GRID1: variants seen among roughly 807,000 people sequenced by gnomAD.
GRID1 encodes the protein glutamate ionotropic receptor delta type subunit 1, also known as glutamate receptor ionotropic, delta-1.
In GRID1, 28 loss-of-function variants were observed where a neutral mutation model predicts 98.0. That is an observed-to-expected ratio of 0.29 (90% CI 0.21 to 0.39). The LOEUF is 0.39. GRID1 is among the 10% of genes least tolerant of loss of function. GRID1 has a pLI of 1.00. For synonymous variants in GRID1, 553 were observed against 538.5 expected, an observed-to-expected ratio of 1.03 and a Z score of -0.37; for missense variants, 1,111 against 1,340.5, an observed-to-expected ratio of 0.83 and a Z score of 2.67.
chr10:85,694,082 C>G (rs1056608474), intron 12 of GRID1, among the ~76,000 whole-genome samples: 1 of 151,988 alleles, frequency 6.6e-6, no homozygotes, highest in Non-Finnish European at 1.5e-5. Flanking sequence ...TACTCAACAA[C>G]AAAGCAAAGA....
chr10:85,682,707 A>G (rs948229495), intron 12 of GRID1, among the ~76,000 whole-genome samples: 2 of 152,120 alleles, frequency 1.3e-5, no homozygotes, highest in Admixed American at 1.3e-4. Context: ...GGCCTCAGAC[A>G]CCCTTCTCCA....
intron 4 of GRID1, among the ~76,000 whole-genome samples, chr10:85,980,252 G>T (rs1198737730): frequency 6.6e-6 from 1 of 152,228 alleles, no homozygotes; most frequent in Non-Finnish European, 1.5e-5. Context: ...GCCCCTGTTG[G>T]ATAGTGTCAG....
chr10:86,009,117 A>G (rs139529700), intron 4 of GRID1, among the ~76,000 whole-genome samples: 3 of 152,334 alleles, frequency 2.0e-5, no homozygotes, highest in African/African-American at 7.2e-5. Flanking sequence ...GAATAATCCA[A>G]TTCTGAGGTC....
intron 4 of GRID1, among the ~76,000 whole-genome samples, chr10:85,953,480 T>C (rs1451125976): frequency 2.6e-5 from 4 of 152,312 alleles, no homozygotes; most frequent in Non-Finnish European, 5.9e-5. Flanking sequence ...TTTTTGACTA[T>C]GTAGGGAGTC....
At chr10:86,330,464 G>T (rs1848123739) in intron 2 of GRID1, among the ~76,000 whole-genome samples, 1 of 152,114 alleles carries the variant, frequency 6.6e-6, no homozygotes, top group African/African-American at 2.4e-5. Flanking sequence ...ACAGCCCAGG[G>T]CTCAAGACAG....
chr10:86,289,058 A>G (rs1476880197), intron 2 of GRID1, among the ~76,000 whole-genome samples: 1 of 152,208 alleles, frequency 6.6e-6, no homozygotes, highest in Non-Finnish European at 1.5e-5. Flanking sequence ...CTGGGCCCCA[A>G]GAGCACAGTC....
In GRID1 at chr10:85,600,494, C is replaced by T. The variant is rs1037790843; in HGVS notation, c.*1779G>A. 4 of 152,198 alleles carry T rather than the reference C, an allele frequency of 2.6e-5. No individual in the cohort carries two copies. Among genetic ancestry groups the T allele is most frequent in the African/African-American group, 9.7e-5 (4 of 41,442 alleles). 9.4% of individuals were successfully genotyped at this position (152,198 alleles called of 1,614,324 possible). ...CCTCATAAATACATCTCTCTAGAAA[C>T]TCTACAAGGCTATAGAAGAAGCAAT... On this transcript the variant is annotated 3_prime_UTR_variant, in exon 16 of 16. Transcript: ENST00000327946.
chr10:86,163,174 G>A (rs1589393313), intron 3 of GRID1, among the ~76,000 whole-genome samples: 1 of 152,310 alleles, frequency 6.6e-6, no homozygotes. Context: ...TCATGGGGCA[G>A]GCTGGAGCCA....
intron 3 of GRID1, among the ~76,000 whole-genome samples, chr10:86,168,960 AC>A (rs1845441243): frequency 6.6e-6 from 1 of 152,028 alleles, no homozygotes; most frequent in Admixed American, 6.5e-5. Flanking sequence ...TAGAAAGGGG[AC>A]CCAGGCCCAC....
chr10:85,971,815 T>G (rs940119432), intron 4 of GRID1, among the ~76,000 whole-genome samples: 1 of 152,140 alleles, frequency 6.6e-6, no homozygotes, highest in South Asian at 2.1e-4. Flanking sequence ...ACATCTACTT[T>G]ATAATCCTGC....
Position 85,826,189 on chromosome 10 carries a change from G to C in GRID1, c.1233+28307C>G, listed in dbSNP as rs181921427. On this transcript the variant is annotated intron_variant, in intron 8 of 15. Transcript: ENST00000327946. ...CTACTAAAAAAAAAATACAAAATTA[G>C]CTGGGCATGGTGGCACATGCCTGCA... Among the ~76,000 whole-genome samples, 12 of 152,170 alleles carry C rather than the reference G, an allele frequency of 7.9e-5. No individual in the cohort carries two copies. The East Asian group carries it at 2.3e-3, about 29-fold the overall frequency.
At chr10:86,082,267 C>T (rs1400746417) in intron 4 of GRID1, among the ~76,000 whole-genome samples, 3 of 152,172 alleles carry the variant, frequency 2.0e-5, no homozygotes, top group Admixed American at 2.0e-4. Context: ...ATATAAATAG[C>T]CCTGGGCAGT....
At chr10:85,770,471 C>T (rs866502652) in intron 8 of GRID1, among the ~76,000 whole-genome samples, 15 of 152,132 alleles carry the variant, frequency 9.9e-5, no homozygotes, top group East Asian at 3.9e-4. Context: ...CAAAGCTGGA[C>T]GGAGAATGCC....
At chr10:86,139,458 A>C (rs2131972583) in intron 3 of GRID1, among the ~76,000 whole-genome samples, 1 of 152,174 alleles carries the variant, frequency 6.6e-6, no homozygotes, top group Middle Eastern at 3.4e-3. Flanking sequence ...GAGGCCCCTG[A>C]CTGGAGCGGG....
intron 2 of GRID1, among the ~76,000 whole-genome samples, chr10:86,272,535 G>A (rs1467141951): frequency 6.6e-6 from 1 of 152,094 alleles, no homozygotes; most frequent in Non-Finnish European, 1.5e-5. Flanking sequence ...ACAAATTATT[G>A]TGACTATCTG....
chr10:86,197,011 C>G (rs1054414204), intron 3 of GRID1, among the ~76,000 whole-genome samples: 4 of 152,018 alleles, frequency 2.6e-5, no homozygotes, highest in African/African-American at 9.7e-5. Context: ...AGGTGCTGTT[C>G]TAAATGCTGT....
rs776699845 is a variant in GRID1 at position 85,724,562 on chromosome 10, C to T, written c.1648G>A (p.Glu550Lys). The T allele has an allele frequency of 1.9e-6, 3 of 1,613,652 alleles. No individual in the cohort carries two copies. The South Asian group carries it at 3.3e-5, about 18-fold the overall frequency. ...AAGAGGGAGAAGATGCTGATTTTCT[C>T]CTCGGGCTTCTTAATTAGAATCCCC... ...SVGILIKKPE[E>K]KISIFSLFAP... The change falls in exon 11 of 16, where the codon GAG becomes AAG. Residue 550 changes from glutamate to lysine, a missense_variant. Coordinates refer to ENST00000327946, the MANE Select transcript of GRID1 (RefSeq NM_017551.3).
chr10:86,266,248 AG>A (rs893771295), intron 2 of GRID1, among the ~76,000 whole-genome samples: 3 of 151,914 alleles, frequency 2.0e-5, no homozygotes, highest in African/African-American at 7.3e-5. Context: ...CTATGACTCC[AG>A]GACCTGCCAC....
intron 2 of GRID1, among the ~76,000 whole-genome samples, chr10:86,320,567 T>C (rs1261225948): frequency 6.6e-6 from 1 of 152,194 alleles, no homozygotes; most frequent in Non-Finnish European, 1.5e-5. Context: ...AGGGCTATAG[T>C]ATTTCTGTTT....
Sources: gnomAD v4.1 joint callset for allele counts (sites outside exome capture counted in the v4.1 genomes callset) on GRCh38, gnomAD v4.1.1 for gene constraint, MANE v1.5 for transcripts, NCBI Gene and HGNC (gene_info 2026-07-23, HGNC 2026-07-21) for gene names.